The following SLC25A40 variants were observed in gnomAD, a reference collection of about 807,000 sequenced individuals.
SLC25A40 encodes the protein solute carrier family 25 member 40.
In SLC25A40, 41 loss-of-function variants were observed where a neutral mutation model predicts 46.5. The observed-to-expected ratio is 0.88, with a 90% CI of 0.69 to 1.14. SLC25A40 has a LOEUF of 1.14. Ranked by LOEUF, SLC25A40 falls within the 50% of genes most tolerant of loss-of-function variation. The pLI is 0.00. For synonymous variants in SLC25A40, 126 were observed against 127.5 expected (o/e 0.99, Z 0.08); for missense variants, 386 against 393.6 (o/e 0.98, Z 0.16).
intron 6 of SLC25A40, among the ~76,000 whole-genome samples, chr7:87,848,917 A>G (rs938351503): frequency 1.3e-5 from 2 of 152,208 alleles, no homozygotes; most frequent in Non-Finnish European, 2.9e-5. Flanking sequence ...AACCTTAAAC[A>G]TTGTTTAAAA....
chr7:87,848,103 T>G (rs1584326509), intron 6 of SLC25A40, 126 bp from the exon 7 acceptor site: 1 of 1,057,922 alleles, frequency 9.5e-7, no homozygotes, highest in East Asian at 3.0e-5. Flanking sequence ...AAAACTACAA[T>G]AAATCAGCCT....
intron 1 of SLC25A40, among the ~76,000 whole-genome samples, chr7:87,872,058 T>C (rs1838903515): frequency 6.6e-6 from 1 of 152,200 alleles, no homozygotes; most frequent in African/African-American, 2.4e-5. Context: ...TGAAGAAATA[T>C]TACCATTTCA....
chr7:87,870,165 A>C (rs1418780745), intron 1 of SLC25A40, among the ~76,000 whole-genome samples: 3 of 151,020 alleles, frequency 2.0e-5, no homozygotes, highest in Non-Finnish European at 4.4e-5. Context: ...TTGAGTTATA[A>C]TAATTCTTCA....
chr7:87,835,961 C>G lies in SLC25A40; in HGVS notation c.*288G>C. On this transcript the variant is annotated 3_prime_UTR_variant, in exon 12 of 12. Transcript: ENST00000341119. The stretch of plus-strand genomic sequence containing the variant: ...CCAGTAAGATTATGTTACACTGAAA[C>G]ATATAATATTAAACTTTCAAGAGAC... 7.8e-6 allele frequency: 2 copies of G among 257,530 alleles called. No homozygotes were observed. Among genetic ancestry groups the G allele is most frequent in the Non-Finnish European group, 1.5e-5 (2 of 136,878 alleles). 16.0% of individuals were successfully genotyped at this position (257,530 alleles called of 1,614,324 possible).
intron 1 of SLC25A40, among the ~76,000 whole-genome samples, chr7:87,875,743 G>C (rs1291236674): frequency 6.6e-6 from 1 of 152,224 alleles, no homozygotes; most frequent in Non-Finnish European, 1.5e-5. Context: ...CAACAGGACA[G>C]CGCAAATAGC....
chr7:87,844,520 T>C (rs1838383200), intron 8 of SLC25A40, among the ~76,000 whole-genome samples: 1 of 152,126 alleles, frequency 6.6e-6, no homozygotes, highest in Non-Finnish European at 1.5e-5. Flanking sequence ...ATGATGGGGA[T>C]GTTCATTATT....
intron 3 of SLC25A40, among the ~76,000 whole-genome samples, chr7:87,857,155 C>G (rs1404572755): frequency 6.6e-6 from 1 of 152,056 alleles, no homozygotes; most frequent in Non-Finnish European, 1.5e-5. Flanking sequence ...AAACTGTGAA[C>G]CAGAGAAATT....
At position 87,849,437 on chromosome 7, in the gene SLC25A40, T is replaced by C. The variant is rs76855565; in HGVS notation, c.332+444A>G. Among the ~76,000 whole-genome samples, 91 of 152,340 alleles carry C rather than the reference T, an allele frequency of 6.0e-4. 1 individual carries two copies. The East Asian group carries it at 0.017, about 29-fold the overall frequency. The stretch of plus-strand genomic sequence containing the variant: ...GGTTTGAAGTTTTGCTCATCACAAC[T>C]GGCCTAAAAGACAGAATGTATCCAT... On this transcript the variant is annotated intron_variant, in intron 6 of 11. Transcript: ENST00000341119.
At position 87,874,844 on chromosome 7, in the gene SLC25A40, T is replaced by C. The variant is rs117907882; in HGVS notation, c.-94+1252A>G. Among the ~76,000 whole-genome samples, 475 of 152,310 alleles carry C rather than the reference T, an allele frequency of 3.1e-3. 6 individuals are homozygous for C. The East Asian group carries it at 0.049, about 16-fold the overall frequency. Reference sequence around the variant, plus strand: ...GCAGTCTCTTCCCAATTCTGTGGCATTTTCTCCATCTCTTTCACTATTTCA... The same window carrying C: ...GCAGTCTCTTCCCAATTCTGTGGCACTTTCTCCATCTCTTTCACTATTTCA... On this transcript the variant is annotated intron_variant, in intron 1 of 11. Coordinates refer to ENST00000341119, the MANE Select transcript of SLC25A40 (RefSeq NM_018843.4).
At chr7:87,852,973 A>G (rs1562745500) in intron 5 of SLC25A40, among the ~76,000 whole-genome samples, 1 of 152,218 alleles carries the variant, frequency 6.6e-6, no homozygotes, top group Non-Finnish European at 1.5e-5. Context: ...TGACCTATAA[A>G]AGATATTAAT....
intron 5 of SLC25A40, 106 bp downstream of exon 5, chr7:87,854,098 G>C (rs905304146): frequency 7.9e-6 from 6 of 757,994 alleles, no homozygotes; most frequent in African/African-American, 1.8e-5. Context: ...GTAGTTCCCT[G>C]TTCTCAGTTT....
At chr7:87,874,307 A>T (rs1045638395) in intron 1 of SLC25A40, among the ~76,000 whole-genome samples, 8 of 152,184 alleles carry the variant, frequency 5.3e-5, no homozygotes, top group Admixed American at 3.3e-4. Flanking sequence ...ACAAGACCAT[A>T]AAATGGGACT....
At chr7:87,838,161 T>G (rs1838283173) in intron 10 of SLC25A40, among the ~76,000 whole-genome samples, 1 of 151,486 alleles carries the variant, frequency 6.6e-6, no homozygotes. Flanking sequence ...AGCTCAACAC[T>G]GATTACAAAA....
Position 87,834,249 on chromosome 7 carries a change from T to G in SLC25A40, c.*2000A>C, listed in dbSNP as rs1838230005. ...ATCATGCCAATTATAGTTCAATTAT[T>G]TTATCAGACAGAACTCTGAGAGCAA... On this transcript the variant is annotated 3_prime_UTR_variant, in exon 12 of 12. Coordinates refer to ENST00000341119, the MANE Select transcript of SLC25A40 (RefSeq NM_018843.4). 2 of 151,792 alleles carry G rather than the reference T, an allele frequency of 1.3e-5. No homozygotes were observed. The highest frequency in any genetic ancestry group is 2.4e-5 in the African/African-American group (1 of 41,400). 9.4% of individuals were successfully genotyped at this position (151,792 alleles called of 1,614,324 possible).
At chr7:87,862,036 C>G (rs116951683) in intron 1 of SLC25A40, among the ~76,000 whole-genome samples, 1 of 152,064 alleles carries the variant, frequency 6.6e-6, no homozygotes, top group East Asian at 1.9e-4. Context: ...AAAGGCAAAA[C>G]GCTACTCCCA....
chr7:87,874,292 C>A (rs1838941475), intron 1 of SLC25A40, among the ~76,000 whole-genome samples: 1 of 152,176 alleles, frequency 6.6e-6, no homozygotes, highest in Admixed American at 6.5e-5. Context: ...CACAATTCAT[C>A]TTTCACAAGA....
chr7:87,856,502 A>G (rs1838617877), intron 3 of SLC25A40, 151 bp from the exon 4 acceptor site: 6 of 730,712 alleles, frequency 8.2e-6, no homozygotes, highest in Non-Finnish European at 1.5e-5. Flanking sequence ...TGAATGTAAC[A>G]TTCTAATTTT....
chr7:87,874,520 T>C (rs1015833586), intron 1 of SLC25A40, among the ~76,000 whole-genome samples: 5 of 152,150 alleles, frequency 3.3e-5, no homozygotes, highest in African/African-American at 1.2e-4. Context: ...CCTACTCAAA[T>C]TACCCTTAAG....
rs951594858 is a variant in SLC25A40, at chr7:87,856,490, C to T, written c.98-139G>A. ...GTAAGCTTATTTATCTTAAAGTAGT[C>T]TTGAATGTAACATTCTAATTTTTTT... is the stretch of plus-strand genomic sequence containing the variant. On this transcript the variant is annotated intron_variant, in intron 3 of 11. Transcript: ENST00000341119. 5.2e-6 allele frequency: 4 copies of T among 769,168 alleles called. No homozygotes were observed. The Admixed American group carries it at 6.0e-5, about 12-fold the overall frequency. The allele number at this position is 769,168 out of a possible 1,614,324, so 47.6% of individuals were successfully genotyped here.
Sources: gnomAD v4.1 joint callset for allele counts (sites outside exome capture counted in the v4.1 genomes callset) on GRCh38, gnomAD v4.1.1 for gene constraint, MANE v1.5 for transcripts, NCBI Gene and HGNC (gene_info 2026-07-23, HGNC 2026-07-21) for gene names.